Variants in ARFGAP1 observed in about 807,000 individuals in gnomAD.
ARFGAP1 encodes ARF GTPase activating protein 1.
ARFGAP1 carries 26 observed loss-of-function variants against 54.0 expected under a neutral mutation model. That is an observed-to-expected ratio of 0.48 (90% CI 0.35 to 0.67). ARFGAP1 has a LOEUF of 0.67. Among genes scored for constraint, ARFGAP1 ranks in the 30% least tolerant of loss-of-function variants. ARFGAP1 has a pLI of 0.00. For synonymous variants in ARFGAP1, 248 were observed against 211.9 expected, an observed-to-expected ratio of 1.17 and a Z score of -1.48; for missense variants, 525 against 535.8, an observed-to-expected ratio of 0.98 and a Z score of 0.20.
rs973124843 is a variant in ARFGAP1 at position 63,284,706 on chromosome 20, T to A, written c.718-160T>A. On this transcript the variant is annotated intron_variant, in intron 9 of 12. Coordinates refer to ENST00000370283, the MANE Select transcript of ARFGAP1 (RefSeq NM_018209.4). ...TGGCGGCCTACTGCCCTTCGGGTGT[T>A]GTGTGCAAAGCCCCGTTTCCTGCTC... is the stretch of plus-strand genomic sequence containing the variant. The A allele has an allele frequency of 1.1e-5, 16 of 1,464,368 alleles. No homozygotes were observed. The Admixed American group carries it at 1.5e-4, about 14-fold the overall frequency. The allele number at this position is 1,464,368 out of a possible 1,614,324, so 90.7% of individuals were successfully genotyped here.
chr20:63,285,100 C>G (rs752757718), intron 10 of ARFGAP1, among the ~76,000 whole-genome samples, 178 bp downstream of exon 10: 3 of 152,126 alleles, frequency 2.0e-5, no homozygotes, highest in Non-Finnish European at 2.9e-5. Flanking sequence ...TTGGACCCCC[C>G]AGCTGGTCCC....
intron 12 of ARFGAP1, chr20:63,286,836 A>T: frequency 4.7e-6 from 1 of 212,612 alleles, no homozygotes; most frequent in Non-Finnish European, 9.5e-6. Context: ...TGTCTCCCAG[A>T]CTCTGGGTGG....
chr20:63,287,960 C>T lies in ARFGAP1; in HGVS notation c.*87C>T. 7.3e-7 allele frequency: 1 copy of T among 1,368,766 alleles called. No homozygotes were observed. Among genetic ancestry groups the T allele is most frequent in the South Asian group, 1.5e-5 (1 of 68,768 alleles). 84.8% of individuals were successfully genotyped at this position (1,368,766 alleles called of 1,614,324 possible). A position where few individuals can be genotyped will look rare whatever the true frequency, so the allele number is the denominator to read the frequency against. ...TCGTTCCTCCTCCTTCCATTTGACCCAAGAATCAGCAACTGCAGTGTGAGG... is the reference window on the plus strand; with the variant it reads ...TCGTTCCTCCTCCTTCCATTTGACCTAAGAATCAGCAACTGCAGTGTGAGG... On this transcript the variant is annotated 3_prime_UTR_variant, in exon 13 of 13. Transcript: ENST00000370283.
intron 6 of ARFGAP1, chr20:63,278,623 C>T (rs1176608933): frequency 1.9e-6 from 1 of 514,148 alleles, no homozygotes; most frequent in Non-Finnish European, 3.5e-6. Flanking sequence ...ATCCCCAAAG[C>T]TGTCATATTA....
chr20:63,277,806 C>T (rs569414277), intron 5 of ARFGAP1, among the ~76,000 whole-genome samples: 28 of 152,360 alleles, frequency 1.8e-4, no homozygotes, highest in South Asian at 1.4e-3. Flanking sequence ...CTTTGCACTG[C>T]GGGCAACTCC....
At chr20:63,285,982 C>T (rs1232477312) in intron 11 of ARFGAP1, 4 of 1,522,086 alleles carry the variant, frequency 2.6e-6, no homozygotes, top group Non-Finnish European at 3.5e-6. Flanking sequence ...TAAGTAAGTG[C>T]CAGCGCCGTC....
intron 7 of ARFGAP1, among the ~76,000 whole-genome samples, chr20:63,280,961 G>C (rs1228507263): frequency 6.6e-6 from 1 of 152,246 alleles, no homozygotes; most frequent in African/African-American, 2.4e-5. Flanking sequence ...TTCCTCTAGG[G>C]AGGCAGGAGG....
intron 5 of ARFGAP1, 24 bp from the exon 6 acceptor site, chr20:63,278,093 C>A: frequency 6.2e-7 from 1 of 1,612,364 alleles, no homozygotes; most frequent in Non-Finnish European, 8.5e-7. Flanking sequence ...TTTGGCCTTA[C>A]CAGCCTTCGA....
intron 10 of ARFGAP1, among the ~76,000 whole-genome samples, chr20:63,285,144 C>G (rs1473053081): frequency 6.6e-6 from 1 of 152,072 alleles, no homozygotes; most frequent in Non-Finnish European, 1.5e-5. Flanking sequence ...TGCAGTGCCC[C>G]CAGCCCAGCA....
At position 63,289,124 on chromosome 20, in the gene ARFGAP1, T is replaced by C. The variant is rs2067645801; in HGVS notation, c.*1251T>C. 6.5e-6 allele frequency: 1 copy of C among 154,188 alleles called. No individual in the cohort carries two copies. Among genetic ancestry groups the C allele is most frequent in the African/African-American group, 2.4e-5 (1 of 41,452 alleles). 9.6% of individuals were successfully genotyped at this position (154,188 alleles called of 1,614,324 possible). ...TCCTCCCTGTGGGCACCAGCCCTCT[T>C]GGTAGCTGGTGTGGAGGGCCGGTGT... On this transcript the variant is annotated 3_prime_UTR_variant, in exon 13 of 13. Transcript: ENST00000370283.
chr20:63,284,962 A>G, intron 10 of ARFGAP1, 40 bp downstream of exon 10: 2 of 1,602,888 alleles, frequency 1.2e-6, no homozygotes, highest in Non-Finnish European at 1.7e-6. Flanking sequence ...GGAGCCCTTC[A>G]CTCCAGGGGA....
In ARFGAP1 at chr20:63,287,106, G is replaced by C. The variant is rs556626703; in HGVS notation, c.912-458G>C. On this transcript the variant is annotated intron_variant, in intron 12 of 12. Coordinates refer to ENST00000370283, the MANE Select transcript of ARFGAP1 (RefSeq NM_018209.4). Reference sequence around the variant, plus strand: ...GTGGGCCCAAATTTTCCCTGCAGACGCCATGTCCCTTCTCTCCCTCTGTGT... The same window carrying C: ...GTGGGCCCAAATTTTCCCTGCAGACCCCATGTCCCTTCTCTCCCTCTGTGT... Among the ~76,000 whole-genome samples, 5 of 152,372 alleles carry C rather than the reference G, an allele frequency of 3.3e-5. No homozygotes were observed. In the South Asian group the frequency reaches 1.0e-3, roughly 32 times the overall value.
chr20:63,287,628 C>G lies in ARFGAP1; in HGVS notation c.976C>G (p.Gln326Glu). The change falls in exon 13 of 13, where the codon CAG (glutamine) becomes GAG (glutamate). Residue 326 changes from glutamine to glutamate, a missense_variant. This residue lies in a region of ARFGAP1 where 466 missense variants were observed against 453.6 expected (regional missense o/e 1.03). Coordinates refer to ENST00000370283, the MANE Select transcript of ARFGAP1 (RefSeq NM_018209.4). ...LDHFQNSNID[Q>E]SFWETFGSAE... Reference sequence around the variant, plus strand: ...CCACTTCCAAAACAGCAACATAGACCAGAGCTTCTGGGAGACCTTTGGAAG... The same window carrying G: ...CCACTTCCAAAACAGCAACATAGACGAGAGCTTCTGGGAGACCTTTGGAAG... 1 of 1,612,586 alleles carries G rather than the reference C, an allele frequency of 6.2e-7. No individual in the cohort carries two copies. The highest frequency in any genetic ancestry group is 8.5e-7 in the Non-Finnish European group (1 of 1,179,886).
At chr20:63,282,928 C>A in intron 9 of ARFGAP1, 77 bp downstream of exon 9, 1 of 1,516,286 alleles carries the variant, frequency 6.6e-7, no homozygotes, top group Non-Finnish European at 9.2e-7. Context: ...GCACCTGAAG[C>A]TGCCTGGTTC....
In ARFGAP1 at chr20:63,287,771, C is replaced by G; in HGVS notation, c.1119C>G (p.Asn373Lys). 6.2e-7 allele frequency: 1 copy of G among 1,609,128 alleles called. No homozygotes were observed. Among genetic ancestry groups the G allele is most frequent in the African/African-American group, 1.3e-5 (1 of 74,818 alleles). Residue 373 changes from asparagine (N) to lysine (K), a missense_variant, in exon 13 of 13, where the codon AAC (asparagine) becomes AAG (lysine). Physicochemically the swap from Asn to Lys is moderately conservative, Grantham distance 94. This residue lies in a region of ARFGAP1 where 466 missense variants were observed against 453.6 expected (regional missense o/e 1.03). Transcript: ENST00000370283. ...AGGTGTGGGGCTCGGCCTCCACCAA[C>G]AGGAACAGCAACAGCGACGGCGGGG... is the stretch of plus-strand genomic sequence containing the variant. ...SWEVWGSAST[N>K]RNSNSDGGEG...
intron 9 of ARFGAP1, 111 bp downstream of exon 9, chr20:63,282,962 G>A: frequency 8.5e-7 from 1 of 1,179,840 alleles, no homozygotes; most frequent in Non-Finnish European, 1.3e-6. Context: ...CACATGCTCA[G>A]AGCTGAGGGG....
intron 12 of ARFGAP1, chr20:63,286,819 G>C (rs1425892234): frequency 1.6e-5 from 4 of 243,950 alleles, no homozygotes; most frequent in South Asian, 7.0e-5. Context: ...CTGCTCTGCT[G>C]TTCCTCTGTC....
intron 1 of ARFGAP1, among the ~76,000 whole-genome samples, chr20:63,274,507 C>CA (rs1443048129): frequency 6.6e-6 from 1 of 152,128 alleles, no homozygotes; most frequent in Non-Finnish European, 1.5e-5. Context: ...CAGCAGTACA[C>CA]ACGTGTGTAG....
rs753271610 is a variant in ARFGAP1, at chr20:63,277,285, G to A, written c.423G>A (p.Thr141=). The change falls in exon 5 of 13, where the codon ACG becomes ACA. Residue 141 remains threonine (T), a synonymous_variant. Coordinates refer to ENST00000370283, the MANE Select transcript of ARFGAP1 (RefSeq NM_018209.4). ...ACTGGACCCCACCTCAGCCCAGGAC[G>A]CTGCCGTCCATGGTGCACCGGTAGC... is the stretch of plus-strand genomic sequence containing the variant. The part of the protein sequence containing the change: ...AQNWTPPQPR[T]LPSMVHRVSG... The A allele has an allele frequency of 3.8e-5, 61 of 1,612,524 alleles. No homozygotes were observed. The highest frequency in any genetic ancestry group is 2.2e-4 in the East Asian group (10 of 44,872).
Sources: allele counts gnomAD v4.1 joint callset (sites outside exome capture counted in the v4.1 genomes callset), GRCh38; gene constraint gnomAD v4.1.1; regional missense constraint gnomAD v4.1.1; transcripts MANE v1.5; gene names NCBI Gene and HGNC (gene_info 2026-07-23, HGNC 2026-07-21).